The following SPTLC1 variants were observed in gnomAD, a reference collection of about 807,000 sequenced individuals.
SPTLC1 encodes serine palmitoyltransferase 1.
SPTLC1 carries 55 observed loss-of-function variants against 68.9 expected under a neutral mutation model. The ratio of observed to expected loss-of-function variants is 0.80; its 90% CI spans 0.64 to 1.00. The LOEUF (loss-of-function observed/expected upper bound fraction) is 1.00, where lower values mean the gene tolerates loss of function less well. SPTLC1 is among the 50% of genes least tolerant of loss of function. The pLI is 0.00. For synonymous variants in SPTLC1, 197 were observed against 201.6 expected (o/e 0.98, Z 0.19); for missense variants, 449 against 573.1 (o/e 0.78, Z 2.21).
At chr9:92,060,582 A>C (rs756370326) in intron 6 of SPTLC1, among the ~76,000 whole-genome samples, 2 of 152,142 alleles carry the variant, frequency 1.3e-5, no homozygotes, top group African/African-American at 2.4e-5. Flanking sequence ...AGGCAGAGGA[A>C]GGATCAGTGA....
chr9:92,050,160 T>A, intron 8 of SPTLC1, 93 bp from the exon 9 acceptor site: 1 of 808,342 alleles, frequency 1.2e-6, no homozygotes. Context: ...TATGTACAGC[T>A]GACTCTCAAT....
At chr9:92,071,250 A>T (rs1322181599) in intron 5 of SPTLC1, among the ~76,000 whole-genome samples, 1 of 150,736 alleles carries the variant, frequency 6.6e-6, no homozygotes, top group Non-Finnish European at 1.5e-5. Flanking sequence ...AAAAAAAAAA[A>T]TTAGTTGGGC....
intron 7 of SPTLC1, among the ~76,000 whole-genome samples, chr9:92,056,353 C>A (rs867806992): frequency 2.0e-5 from 3 of 152,106 alleles, no homozygotes; most frequent in East Asian, 1.9e-4. Context: ...CTCAGCCTCC[C>A]GAGTAGCTGG....
At chr9:92,107,608 C>T (rs187214797) in intron 3 of SPTLC1, among the ~76,000 whole-genome samples, 232 of 152,258 alleles carry the variant, frequency 1.5e-3, no homozygotes, top group African/African-American at 5.1e-3. Context: ...AAAAATTAGC[C>T]GGGCATGGCA....
rs1245565610 is a variant in SPTLC1, at chr9:92,085,533, T to G, written c.261-4570A>C. Among the ~76,000 whole-genome samples the G allele has an allele frequency of 1.8e-4, 27 of 151,214 alleles. No individual in the cohort carries two copies. In the South Asian group the frequency reaches 5.7e-3, roughly 32 times the overall value. ...TCATTCAGGAGCAGGTTGTTCAGTT[T>G]CCATGTAGTTGAGCGGTTTTGAGTG... On this transcript the variant is annotated intron_variant, in intron 3 of 14. Coordinates refer to ENST00000262554, the MANE Select transcript of SPTLC1 (RefSeq NM_006415.4).
chr9:92,097,182 G>A (rs1426801380), intron 3 of SPTLC1, among the ~76,000 whole-genome samples: 1 of 152,196 alleles, frequency 6.6e-6, no homozygotes, highest in East Asian at 1.9e-4. Flanking sequence ...TGCTAAGGAT[G>A]TGAAGAAATT....
intron 6 of SPTLC1, among the ~76,000 whole-genome samples, chr9:92,064,021 G>A (rs557493521): frequency 6.6e-6 from 1 of 152,240 alleles, no homozygotes; most frequent in East Asian, 1.9e-4. Flanking sequence ...CAATAAAAGG[G>A]AATAAAAAGT....
chr9:92,105,208 G>A lies in SPTLC1; in HGVS notation c.260+3532C>T, dbSNP rs1387564337. The A allele has an allele frequency of 7.2e-6, 11 of 1,534,096 alleles. No homozygotes were observed. The East Asian group carries it at 7.3e-5, about 10-fold the overall frequency. ...CGGGGCCACCGCTGCAGCTGCAACC[G>A]ACCCCTCCCCTGCAACTGAGGTGGG... On this transcript the variant is annotated intron_variant, in intron 3 of 14. Coordinates refer to ENST00000262554, the MANE Select transcript of SPTLC1 (RefSeq NM_006415.4).
At chr9:92,098,976 G>A (rs1394321923) in intron 3 of SPTLC1, among the ~76,000 whole-genome samples, 1 of 152,152 alleles carries the variant, frequency 6.6e-6, no homozygotes, top group Non-Finnish European at 1.5e-5. Flanking sequence ...ACAACATAAA[G>A]ACCACTGTAG....
chr9:92,102,408 T>C (rs1587609708), intron 3 of SPTLC1, among the ~76,000 whole-genome samples: 1 of 152,226 alleles, frequency 6.6e-6, no homozygotes, highest in Admixed American at 6.5e-5. Flanking sequence ...TTAGAATCTT[T>C]CAAATCACCC....
intron 5 of SPTLC1, among the ~76,000 whole-genome samples, chr9:92,075,520 G>GGCTGC (rs1388454065): frequency 6.6e-6 from 1 of 152,134 alleles, no homozygotes; most frequent in Non-Finnish European, 1.5e-5. Context: ...AAAAACGCAG[G>GGCTGC]GCTGCGCTGT....
intron 3 of SPTLC1, among the ~76,000 whole-genome samples, chr9:92,083,226 C>T (rs1465977226): frequency 2.0e-5 from 3 of 152,150 alleles, no homozygotes; most frequent in African/African-American, 7.2e-5. Context: ...TTTTGCTGTG[C>T]AGAAGCTCTT....
chr9:92,090,407 G>A (rs574294291), intron 3 of SPTLC1, among the ~76,000 whole-genome samples: 2 of 152,232 alleles, frequency 1.3e-5, no homozygotes, highest in South Asian at 2.1e-4. Context: ...TCAGGAGTCC[G>A]AGACCAGCCT....
chr9:92,040,015 G>A (rs1047977308), intron 12 of SPTLC1, among the ~76,000 whole-genome samples: 1 of 152,032 alleles, frequency 6.6e-6, no homozygotes, highest in Non-Finnish European at 1.5e-5. Flanking sequence ...TTCTGACCAT[G>A]TTAAACGCAT....
intron 3 of SPTLC1, among the ~76,000 whole-genome samples, chr9:92,092,264 A>G (rs12350944): frequency 0.011 from 1,661 of 152,374 alleles, 27 homozygotes; most frequent in African/African-American, 0.038. Context: ...AAGTGTCAAC[A>G]AGAGCAGCCA....
rs1039775639 is a variant in SPTLC1 at position 92,104,558 on chromosome 9, C to T, written c.260+4182G>A. 8.2e-6 allele frequency: 12 copies of T among 1,459,606 alleles called. No homozygotes were observed. The African/African-American group carries it at 1.1e-4, about 14-fold the overall frequency. 90.4% of individuals were successfully genotyped at this position (1,459,606 alleles called of 1,614,324 possible). Reference sequence around the variant, plus strand: ...CTCCAGGATGTTTGGACACCTCAGCCCCGTGAGGATCTCTTGTCTCAGAGG... The same window carrying T: ...CTCCAGGATGTTTGGACACCTCAGCTCCGTGAGGATCTCTTGTCTCAGAGG... On this transcript the variant is annotated intron_variant, in intron 3 of 14. Transcript: ENST00000262554.
intron 6 of SPTLC1, among the ~76,000 whole-genome samples, chr9:92,067,741 A>G (rs1366686952): frequency 6.6e-6 from 1 of 152,172 alleles, no homozygotes; most frequent in Non-Finnish European, 1.5e-5. Context: ...CCTCATCTGG[A>G]CATCAATAAA....
At chr9:92,070,604 C>G (rs1834443138) in intron 5 of SPTLC1, among the ~76,000 whole-genome samples, 1 of 152,116 alleles carries the variant, frequency 6.6e-6, no homozygotes, top group Admixed American at 6.5e-5. Context: ...GCCTCACTAT[C>G]TCGGTCATCA....
At chr9:92,068,737 T>C (rs919529139) in intron 5 of SPTLC1, among the ~76,000 whole-genome samples, 7 of 152,230 alleles carry the variant, frequency 4.6e-5, no homozygotes, top group African/African-American at 1.7e-4. Context: ...TTATAATTAT[T>C]AGACTGACAT....
Sources: gnomAD v4.1 joint callset for allele counts (sites outside exome capture counted in the v4.1 genomes callset) on GRCh38, gnomAD v4.1.1 for gene constraint, MANE v1.5 for transcripts, NCBI Gene and HGNC (gene_info 2026-07-23, HGNC 2026-07-21) for gene names.